CLDND1: variants seen among roughly 807,000 people sequenced by gnomAD.
CLDND1 encodes the protein claudin domain-containing protein 1.
In CLDND1, 13 loss-of-function variants were observed where a neutral mutation model predicts 26.3. The ratio of observed to expected loss-of-function variants is 0.49; its 90% CI spans 0.32 to 0.78. The LOEUF (loss-of-function observed/expected upper bound fraction) is 0.78. CLDND1 is among the 30% of genes least tolerant of loss of function. The pLI is 0.03. For missense variants in CLDND1, 289 were observed against 312.8 expected, an observed-to-expected ratio of 0.92 and a Z score of 0.57; for synonymous variants, 107 against 107.0, an observed-to-expected ratio of 1.00 and a Z score of 0.00.
At position 98,518,655 on chromosome 3, in the gene CLDND1, T is replaced by C. The variant is rs1706262925; in HGVS notation, c.403+230A>G. 3 of 518,986 alleles carry C rather than the reference T, an allele frequency of 5.8e-6. No individual in the cohort carries two copies. The South Asian group carries it at 7.9e-5, about 14-fold the overall frequency. The allele number at this position is 518,986 out of a possible 1,614,324, so 32.1% of individuals were successfully genotyped here. On this transcript the variant is annotated intron_variant, in intron 3 of 4. Coordinates refer to ENST00000341181, the MANE Select transcript of CLDND1 (RefSeq NM_001040181.2). ...ACATCTTTTGAAGGTCTAGATCCCA[T>C]CATCCAATGAAGTAGTTGGCCCTGT...
chr3:98,517,717 C>A (rs1036438632), intron 3 of CLDND1, among the ~76,000 whole-genome samples: 1 of 152,100 alleles, frequency 6.6e-6, no homozygotes. Flanking sequence ...ACTTTAGCAA[C>A]CTTGGAATTA....
intron 2 of CLDND1, among the ~76,000 whole-genome samples, chr3:98,520,153 A>G (rs1244701086): frequency 6.6e-6 from 1 of 152,220 alleles, no homozygotes; most frequent in Non-Finnish European, 1.5e-5. Context: ...CTCCCAGCTA[A>G]GAGGCCCTGG....
intron 2 of CLDND1, among the ~76,000 whole-genome samples, chr3:98,519,474 A>G (rs1706306465): frequency 6.6e-6 from 1 of 152,248 alleles, no homozygotes; most frequent in Non-Finnish European, 1.5e-5. Flanking sequence ...GCTGCTGCTC[A>G]GTGCTACCAT....
rs1400807682 is a variant in CLDND1 at position 98,516,218 on chromosome 3, GACTGGCTATCTACAACAGCA to G, written c.*421_*440del. On this transcript the variant is annotated 3_prime_UTR_variant, in exon 5 of 5. Coordinates refer to ENST00000341181, the MANE Select transcript of CLDND1 (RefSeq NM_001040181.2). The stretch of plus-strand genomic sequence containing the variant: ...GAAAACAGCACTAATACTGCTGGTT[GACTGGCTATCTACAACAGCA>G]AAGTGAACATAAAGTTTTGACGATG... 9.6e-7 allele frequency: 1 copy of G among 1,037,130 alleles called. No individual in the cohort carries two copies. The highest frequency in any genetic ancestry group is 1.2e-6 in the Non-Finnish European group (1 of 861,636). 64.2% of individuals were successfully genotyped at this position (1,037,130 alleles called of 1,614,324 possible).
rs1706423967 is a variant in CLDND1, at chr3:98,521,759, T to C, written c.-18-317A>G. Reference sequence around the variant, plus strand: ...ACATTACAGATACAAACAATAGACATGCCCATGGTCAGCAGTGTACCGTGC... The same window carrying C: ...ACATTACAGATACAAACAATAGACACGCCCATGGTCAGCAGTGTACCGTGC... On this transcript the variant is annotated intron_variant, in intron 1 of 4. Coordinates refer to ENST00000341181, the MANE Select transcript of CLDND1 (RefSeq NM_001040181.2). 2.1e-6 allele frequency: 3 copies of C among 1,442,352 alleles called. No individual in the cohort carries two copies. The Admixed American group carries it at 5.1e-5, about 24-fold the overall frequency. 89.3% of individuals were successfully genotyped at this position (1,442,352 alleles called of 1,614,324 possible). A position where few individuals can be genotyped will look rare whatever the true frequency, so the allele number is the denominator to read the frequency against.
At position 98,517,713 on chromosome 3, in the gene CLDND1, G is replaced by A. The variant is rs944778945; in HGVS notation, c.404-524C>T. Reference sequence around the variant, plus strand: ...ATGCCATTTTATATAAGGTACTTTAGCAACCTTGGAATTAGCAGGGGGTCC... The same window carrying A: ...ATGCCATTTTATATAAGGTACTTTAACAACCTTGGAATTAGCAGGGGGTCC... On this transcript the variant is annotated intron_variant, in intron 3 of 4. Transcript: ENST00000341181. Among the ~76,000 whole-genome samples, 5 of 152,148 alleles carry A rather than the reference G, an allele frequency of 3.3e-5. 1 individual carries two copies. The highest frequency in any genetic ancestry group is 1.2e-4 in the African/African-American group (5 of 41,430).
rs548458158 is a variant in CLDND1 at position 98,515,578 on chromosome 3, G to A, written c.*1081C>T. 5.0e-6 allele frequency: 5 copies of A among 1,010,046 alleles called. No homozygotes were observed. The highest frequency in any genetic ancestry group is 6.2e-6 in the Non-Finnish European group (5 of 806,646). 62.6% of individuals were successfully genotyped at this position (1,010,046 alleles called of 1,614,324 possible). ...TTTTTTTAATCTGTCAATTGCTACA[G>A]TAGTGGAATAAATAAATAAGTTTTT... On this transcript the variant is annotated 3_prime_UTR_variant, in exon 5 of 5. Coordinates refer to ENST00000341181, the MANE Select transcript of CLDND1 (RefSeq NM_001040181.2).
chr3:98,515,772 T>TTG lies in CLDND1; in HGVS notation c.*885_*886dup. 1 of 1,289,784 alleles carries TTG rather than the reference T, an allele frequency of 7.8e-7. No homozygotes were observed. Among genetic ancestry groups the TTG allele is most frequent in the Non-Finnish European group, 1.0e-6 (1 of 988,856 alleles). 79.9% of individuals were successfully genotyped at this position (1,289,784 alleles called of 1,614,324 possible). On this transcript the variant is annotated 3_prime_UTR_variant, in exon 5 of 5. Coordinates refer to ENST00000341181, the MANE Select transcript of CLDND1 (RefSeq NM_001040181.2). ...TAATGGACAGCCAGAACTTTAGATC[T>TTG]TGTGGTAGGTTTCCCAGCTCTGGAG...
chr3:98,518,410 AC>A (rs1706252045), intron 3 of CLDND1, among the ~76,000 whole-genome samples: 1 of 152,172 alleles, frequency 6.6e-6, no homozygotes, highest in Non-Finnish European at 1.5e-5. Flanking sequence ...CCTAATAAAT[AC>A]TTTCATCTTT....
chr3:98,517,245 C>G (rs185129354), intron 3 of CLDND1, 56 bp from the exon 4 acceptor site: 1 of 1,572,964 alleles, frequency 6.4e-7, no homozygotes, highest in Non-Finnish European at 8.6e-7. Context: ...CCATTTTCCC[C>G]GCAATGGCAA....
intron 2 of CLDND1, chr3:98,520,569 T>G (rs1213633682): frequency 7.1e-6 from 1 of 140,722 alleles, no homozygotes; most frequent in Non-Finnish European, 1.6e-5. Flanking sequence ...TAGTTTTTGG[T>G]TTTTTTTTTT....
chr3:98,520,540 T>G (rs1706362968), intron 2 of CLDND1, among the ~76,000 whole-genome samples: 1 of 151,744 alleles, frequency 6.6e-6, no homozygotes, highest in Non-Finnish European at 1.5e-5. Context: ...AGAATGCCTG[T>G]AAAATAAACC....
At position 98,516,854 on chromosome 3, in the gene CLDND1, A is replaced by T; in HGVS notation, c.567T>A (p.Ser189Arg). 6.2e-7 allele frequency: 1 copy of T among 1,614,200 alleles called. No individual in the cohort carries two copies. The highest frequency in any genetic ancestry group is 8.5e-7 in the Non-Finnish European group (1 of 1,180,028). Residue 189 changes from serine to arginine, a missense_variant, in exon 5 of 5, where the codon AGT becomes AGA. By Grantham distance (110) the Ser-to-Arg change is moderately radical. Transcript: ENST00000341181. ...LAGLCTLGSV[S>R]CYVAGIELLH... ...GTAGTTCAATTCCAGCAACATAACA[A>T]CTTACTGAGCCCAGTGTACACAGAC...
intron 1 of CLDND1, chr3:98,521,684 T>G: frequency 6.2e-7 from 1 of 1,613,282 alleles, no homozygotes; most frequent in Non-Finnish European, 8.5e-7. Flanking sequence ...GGTCTTGTTC[T>G]CTAGTCTATC....
chr3:98,518,008 G>T (rs944055721), intron 3 of CLDND1, among the ~76,000 whole-genome samples: 1 of 152,148 alleles, frequency 6.6e-6, no homozygotes, highest in South Asian at 2.1e-4. Flanking sequence ...ACAAAGCAGA[G>T]AATCTAAAGG....
intron 3 of CLDND1, 118 bp downstream of exon 3, chr3:98,518,767 T>C (rs1193608336): frequency 6.0e-6 from 4 of 663,550 alleles, no homozygotes; most frequent in Non-Finnish European, 1.1e-5. Flanking sequence ...CTGTTAGAGA[T>C]TTTATTTCAC....
At chr3:98,516,988 A>G in intron 4 of CLDND1, 64 bp downstream of exon 4, 2 of 1,608,706 alleles carry the variant, frequency 1.2e-6, no homozygotes, top group Non-Finnish European at 8.5e-7. Flanking sequence ...TTTCAGATTT[A>G]TAACTCTTTG....
chr3:98,516,423 C>T lies in CLDND1; in HGVS notation c.*236G>A, dbSNP rs1706139785. Reference sequence around the variant, plus strand: ...ATTTGTGTCAAGTCTCTATCCATTTCTTTCTGTCTAGACCTAGATTAGTTT... The same window carrying T: ...ATTTGTGTCAAGTCTCTATCCATTTTTTTCTGTCTAGACCTAGATTAGTTT... On this transcript the variant is annotated 3_prime_UTR_variant, in exon 5 of 5. Coordinates refer to ENST00000341181, the MANE Select transcript of CLDND1 (RefSeq NM_001040181.2). The T allele has an allele frequency of 1.3e-5, 17 of 1,273,660 alleles. No homozygotes were observed. The highest frequency in any genetic ancestry group is 1.7e-5 in the Non-Finnish European group (17 of 1,011,716). The allele number at this position is 1,273,660 out of a possible 1,614,324, so 78.9% of individuals were successfully genotyped here.
chr3:98,519,946 C>A (rs567452236), intron 2 of CLDND1, among the ~76,000 whole-genome samples: 15 of 152,348 alleles, frequency 9.8e-5, no homozygotes, highest in African/African-American at 3.4e-4. Flanking sequence ...AAAATCATAA[C>A]CTATGGCCAC....
Sources: allele counts gnomAD v4.1 joint callset (sites outside exome capture counted in the v4.1 genomes callset), GRCh38; gene constraint gnomAD v4.1.1; transcripts MANE v1.5; gene names NCBI Gene and HGNC (gene_info 2026-07-23, HGNC 2026-07-21).